SEMA6D: variants seen among roughly 807,000 people sequenced by gnomAD.
The protein encoded by SEMA6D is semaphorin 6D.
In SEMA6D, 35 loss-of-function variants were observed where a neutral mutation model predicts 106.6. The ratio of observed to expected loss-of-function variants is 0.33; its 90% CI spans 0.25 to 0.44. The LOEUF (loss-of-function observed/expected upper bound fraction) is 0.44. Among genes scored for constraint, SEMA6D ranks in the 20% least tolerant of loss-of-function variants. SEMA6D has a pLI of 1.00. For synonymous variants in SEMA6D, 499 were observed against 487.7 expected, an observed-to-expected ratio of 1.02 and a Z score of -0.31; for missense variants, 1,185 against 1,345.9, an observed-to-expected ratio of 0.88 and a Z score of 1.87.
At chr15:47,596,659 G>A (rs977166262) in intron 3 of SEMA6D, among the ~76,000 whole-genome samples, 7 of 152,028 alleles carry the variant, frequency 4.6e-5, no homozygotes, top group African/African-American at 1.7e-4. Flanking sequence ...TTTAACAAAA[G>A]TGCCAAGAAC....
chr15:47,287,668 T>C (rs1433341876), intron 1 of SEMA6D, among the ~76,000 whole-genome samples: 2 of 152,216 alleles, frequency 1.3e-5, no homozygotes, highest in Admixed American at 1.3e-4. Context: ...TGCTAATTTT[T>C]CAATGACACC....
intron 11 of SEMA6D, 101 bp from the exon 12 acceptor site, chr15:47,764,537 C>T: frequency 2.6e-6 from 4 of 1,510,184 alleles, no homozygotes; most frequent in Non-Finnish European, 3.6e-6. Flanking sequence ...TCTCCTTCCT[C>T]ACTTGACCTC....
chr15:47,685,577 TCTGGGTTAGGGC>T (rs2078450559), intron 4 of SEMA6D, among the ~76,000 whole-genome samples: 4 of 152,146 alleles, frequency 2.6e-5, no homozygotes, highest in Non-Finnish European at 5.9e-5. Flanking sequence ...ACTTCTGCAT[TCTGGGTTAGGGC>T]CACATGACCC....
intron 4 of SEMA6D, among the ~76,000 whole-genome samples, chr15:47,658,487 GCTTAGA>G (rs1292632409): frequency 1.3e-5 from 2 of 152,120 alleles, no homozygotes; most frequent in Non-Finnish European, 2.9e-5. Flanking sequence ...AAAATATGTA[GCTTAGA>G]CTTAAAGAAG....
At chr15:47,662,408 C>T (rs776731038) in intron 4 of SEMA6D, among the ~76,000 whole-genome samples, 5 of 152,168 alleles carry the variant, frequency 3.3e-5, no homozygotes, top group Admixed American at 1.3e-4. Context: ...TTCAAAATAA[C>T]CAAGTCTGTA....
intron 1 of SEMA6D, among the ~76,000 whole-genome samples, chr15:47,328,003 A>G (rs977106259): frequency 6.6e-6 from 1 of 152,168 alleles, no homozygotes; most frequent in Non-Finnish European, 1.5e-5. Flanking sequence ...ATTTTTGTTC[A>G]TGGATCTACT....
At chr15:47,361,653 A>G (rs1385131435) in intron 1 of SEMA6D, among the ~76,000 whole-genome samples, 3 of 152,146 alleles carry the variant, frequency 2.0e-5, no homozygotes, top group Non-Finnish European at 4.4e-5. Context: ...TCCGTCATTT[A>G]TTCAATGCTC....
intron 1 of SEMA6D, among the ~76,000 whole-genome samples, chr15:47,341,916 A>G (rs1217616723): frequency 6.6e-6 from 1 of 150,518 alleles, no homozygotes; most frequent in African/African-American, 2.4e-5. Flanking sequence ...AGATCACCAC[A>G]GTGCCAGACA....
intron 4 of SEMA6D, among the ~76,000 whole-genome samples, chr15:47,638,497 A>G (rs1173313568): frequency 6.6e-6 from 1 of 152,236 alleles, no homozygotes; most frequent in East Asian, 1.9e-4. Flanking sequence ...ACAAATGTGT[A>G]TGAATCATTT....
intron 3 of SEMA6D, among the ~76,000 whole-genome samples, chr15:47,490,835 G>T (rs1203958628): frequency 2.6e-5 from 4 of 152,148 alleles, no homozygotes; most frequent in Non-Finnish European, 4.4e-5. Context: ...ACATATATTT[G>T]ATTGATACAT....
intron 4 of SEMA6D, among the ~76,000 whole-genome samples, chr15:47,625,464 C>T (rs926727438): frequency 3.9e-5 from 6 of 152,056 alleles, no homozygotes; most frequent in Middle Eastern, 3.2e-3. Context: ...GGACTGGGTG[C>T]GATGGCACAT....
At chr15:47,280,502 A>T in intron 1 of SEMA6D, among the ~76,000 whole-genome samples, 1 of 133,222 alleles carries the variant, frequency 7.5e-6, no homozygotes, top group African/African-American at 2.9e-5. Context: ...TAATTTTTTG[A>T]AGGGTTTTTT....
chr15:47,580,384 G>A (rs1327414909), intron 3 of SEMA6D, among the ~76,000 whole-genome samples: 1 of 152,184 alleles, frequency 6.6e-6, no homozygotes, highest in Non-Finnish European at 1.5e-5. Flanking sequence ...AATGAATACA[G>A]TTAGAGACCT....
At chr15:47,324,453 TAGAATC>T (rs2037045556) in intron 1 of SEMA6D, among the ~76,000 whole-genome samples, 2 of 152,012 alleles carry the variant, frequency 1.3e-5, no homozygotes, top group South Asian at 4.1e-4. Flanking sequence ...AAAAAAGACT[TAGAATC>T]AGATCTTAAA....
At chr15:47,392,717 G>T (rs547024876) in intron 1 of SEMA6D, among the ~76,000 whole-genome samples, 2 of 152,236 alleles carry the variant, frequency 1.3e-5, no homozygotes, top group East Asian at 1.9e-4. Context: ...GTTGGTTTTG[G>T]CCACTAACTT....
intron 1 of SEMA6D, among the ~76,000 whole-genome samples, chr15:47,723,293 C>A (rs917729866): frequency 1.3e-5 from 2 of 152,126 alleles, no homozygotes; most frequent in African/African-American, 4.8e-5. Flanking sequence ...CATCCTAGAA[C>A]GGTATCTTCT....
At chr15:47,270,329 A>C (rs1364386444) in intron 1 of SEMA6D, among the ~76,000 whole-genome samples, 2 of 151,708 alleles carry the variant, frequency 1.3e-5, no homozygotes, top group African/African-American at 4.8e-5. Flanking sequence ...CTTCTATCCT[A>C]TAACCTGGCC....
At chr15:47,581,930 C>G (rs1173134534) in intron 3 of SEMA6D, among the ~76,000 whole-genome samples, 2 of 152,080 alleles carry the variant, frequency 1.3e-5, no homozygotes, top group African/African-American at 4.8e-5. Flanking sequence ...TGCAGCCATT[C>G]CTAGATGAAT....
chr15:47,436,672 T>C (rs938422685), intron 2 of SEMA6D, among the ~76,000 whole-genome samples: 1 of 150,506 alleles, frequency 6.6e-6, no homozygotes, highest in Non-Finnish European at 1.5e-5. Flanking sequence ...GACTCATGCC[T>C]GTAATCCAAG....
Sources: gnomAD v4.1 joint callset for allele counts (sites outside exome capture counted in the v4.1 genomes callset) on GRCh38, gnomAD v4.1.1 for gene constraint, MANE v1.5 for transcripts, NCBI Gene and HGNC (gene_info 2026-07-23, HGNC 2026-07-21) for gene names.